Variants in MAP7D2 observed in about 807,000 individuals in gnomAD.
MAP7D2 encodes MAP7 domain containing 2, also known as MAP7 domain-containing protein 2.
MAP7D2 carries 33 observed loss-of-function variants against 63.5 expected under a neutral mutation model. The ratio of observed to expected loss-of-function variants is 0.52; its 90% CI spans 0.39 to 0.70. MAP7D2 has a LOEUF of 0.70. Among genes scored for constraint, MAP7D2 ranks in the 30% least tolerant of loss-of-function variants. The probability of loss-of-function intolerance (pLI) is 0.00; values close to 1 mark genes in which losing one functional copy is unlikely to be tolerated. For synonymous variants in MAP7D2, 224 were observed against 223.7 expected (o/e 1.00, Z -0.01); for missense variants, 626 against 604.0 (o/e 1.04, Z -0.38).
chrX:20,041,937 G>A (rs780947325), intron 8 of MAP7D2, among the ~76,000 whole-genome samples: 17 of 111,183 alleles, frequency 1.5e-4, no homozygotes, highest in Non-Finnish European at 2.8e-4. Flanking sequence ...AGTCTGAGGC[G>A]GGGGGATCAC....
At position 20,044,587 on chromosome X, in the gene MAP7D2, G is replaced by A; in HGVS notation, c.719-63C>T. The A allele has an allele frequency of 3.0e-6, 3 of 1,007,080 alleles. No individual in the cohort carries two copies. The South Asian group carries it at 6.2e-5, about 21-fold the overall frequency. The allele number at this position is 1,007,080 out of a possible 1,213,427, so 83.0% of individuals were successfully genotyped here. A position where few individuals can be genotyped will look rare whatever the true frequency, so the allele number is the denominator to read the frequency against. ...GTACAGATGGAAAAAGTAGAGCAGA[G>A]AGTTGGGAAGAACACATTTCTGTTA... On this transcript the variant is annotated intron_variant, in intron 6 of 16. Coordinates refer to ENST00000379643, the MANE Select transcript of MAP7D2 (RefSeq NM_001168465.2).
chrX:20,025,904 G>T lies in MAP7D2; in HGVS notation c.1056C>A (p.Pro352=). The part of the protein sequence containing the change: ...YPQSPKTTKP[P]YPGSPVKYRL... ...GGTACTTCACAGGAGACCCTGGGTA[G>T]GGAGGTTTCGTTGTCTTTGGAGACT... Residue 352 remains proline (P), a synonymous_variant, in exon 9 of 17, where the codon CCC becomes CCA. Coordinates refer to ENST00000379643, the MANE Select transcript of MAP7D2 (RefSeq NM_001168465.2). The T allele has an allele frequency of 8.3e-7, 1 of 1,211,587 alleles. No homozygotes were observed. The highest frequency in any genetic ancestry group is 1.1e-6 in the Non-Finnish European group (1 of 895,373).
intron 1 of MAP7D2, among the ~76,000 whole-genome samples, chrX:20,110,077 G>A (rs1011107609): frequency 6.4e-5 from 7 of 109,313 alleles, no homozygotes; most frequent in Admixed American, 4.9e-4. Context: ...AAAATAAAGT[G>A]GATGGTTGCA....
intron 12 of MAP7D2, 82 bp from the exon 13 acceptor site, chrX:20,013,707 T>C: frequency 1.5e-6 from 1 of 668,320 alleles, no homozygotes; most frequent in Non-Finnish European, 2.3e-6. Flanking sequence ...TTACATGCAA[T>C]GTCACATTTC....
At chrX:20,055,159 G>A (rs1272299231) in intron 4 of MAP7D2, among the ~76,000 whole-genome samples, 2 of 108,376 alleles carry the variant, frequency 1.8e-5, no homozygotes, top group Non-Finnish European at 3.8e-5. Context: ...GGCTAGTTCT[G>A]TTCTTGATCT....
At chrX:20,072,897 T>G (rs758657132) in intron 1 of MAP7D2, among the ~76,000 whole-genome samples, 2 of 112,367 alleles carry the variant, frequency 1.8e-5, no homozygotes, top group East Asian at 5.5e-4. Flanking sequence ...AAGATTTCTT[T>G]TGGGAGTGAT....
At chrX:20,013,289 G>A (rs1247362280) in intron 13 of MAP7D2, among the ~76,000 whole-genome samples, 157 bp from the exon 14 acceptor site, 1 of 111,824 alleles carries the variant, frequency 8.9e-6, no homozygotes, top group Non-Finnish European at 1.9e-5. Context: ...TTATTCTTAC[G>A]TATTTTTATG....
intron 8 of MAP7D2, among the ~76,000 whole-genome samples, chrX:20,038,749 G>A (rs2064566038): frequency 9.0e-6 from 1 of 111,644 alleles, no homozygotes; most frequent in African/African-American, 3.3e-5. Context: ...TTGCCCCCTG[G>A]ACACTTTAAG....
At chrX:20,053,359 A>G (rs886494659) in intron 4 of MAP7D2, among the ~76,000 whole-genome samples, 4 of 112,010 alleles carry the variant, frequency 3.6e-5, no homozygotes, top group African/African-American at 1.3e-4. Context: ...GGACCCAGAG[A>G]CAAATCACCA....
rs2073832188 is a variant in MAP7D2, at chrX:20,026,045, T to C, written c.1008-93A>G. 6 of 998,221 alleles carry C rather than the reference T, an allele frequency of 6.0e-6. No homozygotes were observed. The South Asian group carries it at 1.4e-4, about 23-fold the overall frequency. 82.3% of individuals were successfully genotyped at this position (998,221 alleles called of 1,213,427 possible). A position where few individuals can be genotyped will look rare whatever the true frequency, so the allele number is the denominator to read the frequency against. On this transcript the variant is annotated intron_variant, in intron 8 of 16. Transcript: ENST00000379643. ...CACCTAGTTCCAACAAGCTGAACAA[T>C]TTCATCCTTCCAGAGGAAGGAAAAT...
chrX:20,087,798 A>C (rs771601486), intron 1 of MAP7D2, among the ~76,000 whole-genome samples: 1 of 110,973 alleles, frequency 9.0e-6, no homozygotes, highest in Admixed American at 9.7e-5. Context: ...GTCCAGGCTT[A>C]AAAACATGTC....
intron 10 of MAP7D2, among the ~76,000 whole-genome samples, chrX:20,018,342 GA>G (rs918218139): frequency 2.8e-5 from 3 of 108,777 alleles, no homozygotes; most frequent in African/African-American, 1.0e-4. Flanking sequence ...TATGGCCCCT[GA>G]ACCTCCATAA....
chrX:20,094,569 CATATATAT>C (rs1482761799), intron 1 of MAP7D2, among the ~76,000 whole-genome samples: 6 of 8,503 alleles, frequency 7.1e-4, no homozygotes, highest in Non-Finnish European at 9.8e-4. Flanking sequence ...TATATATATA[CATATATAT>C]GTATATATAT....
intron 1 of MAP7D2, among the ~76,000 whole-genome samples, chrX:20,094,532 A>G (rs1428570781): frequency 1.8e-3 from 28 of 15,921 alleles, no homozygotes; most frequent in African/African-American, 6.5e-3. Flanking sequence ...ATATATATAT[A>G]TATATATATG....
At chrX:20,025,223 A>G in intron 9 of MAP7D2, 140 bp from the exon 10 acceptor site, 1 of 690,311 alleles carries the variant, frequency 1.4e-6, no homozygotes, top group Non-Finnish European at 2.1e-6. Flanking sequence ...AGACTAGCAC[A>G]ATCGACCACC....
At chrX:20,103,211 G>A (rs1336478428) in intron 1 of MAP7D2, among the ~76,000 whole-genome samples, 1 of 111,797 alleles carries the variant, frequency 8.9e-6, no homozygotes, top group Non-Finnish European at 1.9e-5. Flanking sequence ...CTAGCTACTG[G>A]TTTTATCTAA....
chrX:20,116,462 C>A (rs985122953), intron 1 of MAP7D2: 1 of 600,949 alleles, frequency 1.7e-6, no homozygotes. Context: ...CGCAGCACCC[C>A]CTCAGGCACC....
chrX:20,096,429 CAAAAAAA>C (rs775218484), intron 1 of MAP7D2, among the ~76,000 whole-genome samples: 1 of 40,116 alleles, frequency 2.5e-5, no homozygotes, highest in African/African-American at 8.7e-5. Flanking sequence ...GACCTTGTCT[CAAAAAAA>C]AAAAAAAAAA....
intron 1 of MAP7D2, among the ~76,000 whole-genome samples, chrX:20,067,492 A>T (rs960308128): frequency 9.0e-6 from 1 of 111,651 alleles, no homozygotes; most frequent in African/African-American, 3.3e-5. Context: ...GTTCCCAAGG[A>T]CAAAGTGCAC....
Sources: gnomAD v4.1 joint callset for allele counts (sites outside exome capture counted in the v4.1 genomes callset) on GRCh38, gnomAD v4.1.1 for gene constraint, MANE v1.5 for transcripts, NCBI Gene and HGNC (gene_info 2026-07-23, HGNC 2026-07-21) for gene names.